The following GRM5 variants were observed in gnomAD, a reference collection of about 807,000 sequenced individuals.
GRM5 encodes the protein glutamate metabotropic receptor 5, also known as metabotropic glutamate receptor 5.
In GRM5, 19 loss-of-function variants were observed where a neutral mutation model predicts 83.1. The observed-to-expected ratio is 0.23, with a 90% CI of 0.16 to 0.34. GRM5 has a LOEUF of 0.34. Among genes scored for constraint, GRM5 ranks in the 10% least tolerant of loss-of-function variants. GRM5 has a pLI of 1.00. For missense variants in GRM5, 1,160 were observed against 1,588.3 expected (o/e 0.73, Z 4.58); for synonymous variants, 675 against 633.6 (o/e 1.07, Z -0.98).
intron 4 of GRM5, among the ~76,000 whole-genome samples, chr11:88,633,510 A>AT (rs1939037186): frequency 6.6e-6 from 1 of 152,054 alleles, no homozygotes; most frequent in African/African-American, 2.4e-5. Flanking sequence ...TATAATTTTC[A>AT]TTTTTTGAGA....
chr11:88,934,836 T>C (rs1311874678), intron 2 of GRM5, among the ~76,000 whole-genome samples: 1 of 151,830 alleles, frequency 6.6e-6, no homozygotes, highest in African/African-American at 2.4e-5. Flanking sequence ...ATGTTTTTCT[T>C]TTAAAAGGAG....
chr11:88,561,476 A>C (rs561475572), intron 8 of GRM5, among the ~76,000 whole-genome samples: 41 of 152,222 alleles, frequency 2.7e-4, no homozygotes, highest in African/African-American at 9.9e-4. Flanking sequence ...GGCCCATTGC[A>C]TTTTAGAACC....
At chr11:89,056,008 T>C (rs1476805131) in intron 1 of GRM5, among the ~76,000 whole-genome samples, 1 of 152,198 alleles carries the variant, frequency 6.6e-6, no homozygotes, top group African/African-American at 2.4e-5. Flanking sequence ...TTAGAACATT[T>C]ATTTAATTTT....
rs79923059 is a variant in GRM5 at position 88,515,166 on chromosome 11, A to G, written c.2727-5662T>C. 5.4e-3 allele frequency among the ~76,000 whole-genome samples: 820 copies of G among 152,264 alleles called. 10 individuals are homozygous for G. Among genetic ancestry groups the G allele is most frequent in the African/African-American group, 0.019 (790 of 41,554 alleles). On this transcript the variant is annotated intron_variant, in intron 9 of 9. Transcript: ENST00000305447. The stretch of plus-strand genomic sequence containing the variant: ...GTCGCTACTTCCCCTGAGTCCTCAT[A>G]AGGAGCAAGCACCTTAACAAAGGAG...
chr11:88,675,747 C>T (rs145941681), intron 3 of GRM5, among the ~76,000 whole-genome samples: 147 of 152,084 alleles, frequency 9.7e-4, no homozygotes, highest in African/African-American at 2.7e-3. Context: ...CATCCTAACC[C>T]AAAACCTTGG....
chr11:88,804,551 G>A (rs565370458), intron 3 of GRM5, among the ~76,000 whole-genome samples: 162 of 151,896 alleles, frequency 1.1e-3, no homozygotes, highest in South Asian at 2.9e-3. Flanking sequence ...TGGCGGGAGC[G>A]GGGAGGGATA....
At chr11:88,657,405 T>C (rs950225825) in intron 3 of GRM5, among the ~76,000 whole-genome samples, 2 of 152,194 alleles carry the variant, frequency 1.3e-5, no homozygotes, top group Admixed American at 1.3e-4. Context: ...AAAATCATTC[T>C]TAACTTACTT....
intron 2 of GRM5, among the ~76,000 whole-genome samples, chr11:88,882,953 C>T (rs911911651): frequency 1.3e-5 from 2 of 152,172 alleles, no homozygotes; most frequent in African/African-American, 4.8e-5. Context: ...CCTATGCTCT[C>T]TCTCCTGCCT....
At chr11:88,599,236 C>G (rs193222950) in intron 5 of GRM5, among the ~76,000 whole-genome samples, 44 of 152,158 alleles carry the variant, frequency 2.9e-4, no homozygotes, top group Admixed American at 2.7e-3. Context: ...AACATGAAAA[C>G]TCTATAGATT....
chr11:89,041,052 T>C (rs564362206), intron 2 of GRM5, among the ~76,000 whole-genome samples: 1 of 152,318 alleles, frequency 6.6e-6, no homozygotes, highest in Non-Finnish European at 1.5e-5. Context: ...TCAACAGAAG[T>C]GGCTGAACAC....
chr11:88,744,779 A>G (rs1166898992), intron 3 of GRM5, among the ~76,000 whole-genome samples: 1 of 152,180 alleles, frequency 6.6e-6, no homozygotes, highest in Non-Finnish European at 1.5e-5. Flanking sequence ...CAACTCTATC[A>G]GAAGTACTTT....
intron 3 of GRM5, among the ~76,000 whole-genome samples, chr11:88,838,084 CAAAAAAAAAA>C (rs1157680177): frequency 5.6e-4 from 31 of 55,446 alleles, no homozygotes; most frequent in African/African-American, 1.5e-3. Flanking sequence ...GACTCCATCT[CAAAAAAAAAA>C]AAAAAAAAAA....
intron 7 of GRM5, among the ~76,000 whole-genome samples, chr11:88,585,140 T>A (rs1220897120): frequency 1.3e-5 from 2 of 152,240 alleles, no homozygotes; most frequent in Non-Finnish European, 2.9e-5. Context: ...AGTTTACTTA[T>A]GCCCTTTGTC....
At chr11:89,021,649 A>G (rs527646379) in intron 2 of GRM5, among the ~76,000 whole-genome samples, 1 of 152,318 alleles carries the variant, frequency 6.6e-6, no homozygotes, top group East Asian at 1.9e-4. Context: ...TTAAAAGGGG[A>G]AAAATCATGT....
At chr11:89,013,629 T>A (rs1940768976) in intron 2 of GRM5, among the ~76,000 whole-genome samples, 1 of 152,212 alleles carries the variant, frequency 6.6e-6, no homozygotes, top group Non-Finnish European at 1.5e-5. Context: ...GGAAGAATTA[T>A]CTTGCTTCTC....
chr11:89,038,121 G>A (rs1211712594), intron 2 of GRM5, among the ~76,000 whole-genome samples: 3 of 149,920 alleles, frequency 2.0e-5, no homozygotes, highest in Admixed American at 6.7e-5. Flanking sequence ...GAAAAACACC[G>A]ACTAGATAAT....
chr11:88,877,169 T>C (rs950483063), intron 2 of GRM5, among the ~76,000 whole-genome samples: 1 of 152,200 alleles, frequency 6.6e-6, no homozygotes, highest in African/African-American at 2.4e-5. Context: ...AGTGTGACTA[T>C]AGCCAAGAAT....
At chr11:88,515,577 ATG>A (rs1280228131) in intron 9 of GRM5, among the ~76,000 whole-genome samples, 2 of 152,208 alleles carry the variant, frequency 1.3e-5, no homozygotes, top group Non-Finnish European at 2.9e-5. Flanking sequence ...TATCCTATAA[ATG>A]TGTACAATTA....
intron 2 of GRM5, among the ~76,000 whole-genome samples, chr11:88,956,749 T>A (rs1938629448): frequency 6.6e-6 from 1 of 152,182 alleles, no homozygotes; most frequent in Non-Finnish European, 1.5e-5. Flanking sequence ...GAACTTGCAG[T>A]GAGCCGAGAT....
Sources: gnomAD v4.1 joint callset for allele counts (sites outside exome capture counted in the v4.1 genomes callset) on GRCh38, gnomAD v4.1.1 for gene constraint, MANE v1.5 for transcripts, NCBI Gene and HGNC (gene_info 2026-07-23, HGNC 2026-07-21) for gene names.